Variants in DNMBP observed in about 807,000 individuals in gnomAD.
DNMBP encodes the protein dynamin binding protein, also known as dynamin-binding protein.
Under a neutral mutation model 150.0 loss-of-function variants are expected in DNMBP, and 87 were observed. That is an observed-to-expected ratio of 0.58 (90% CI 0.49 to 0.69). The LOEUF is 0.69. DNMBP is among the 30% of genes least tolerant of loss of function. The pLI is 0.00. For missense variants in DNMBP, 1,774 were observed against 1,949.0 expected, an observed-to-expected ratio of 0.91 and a Z score of 1.69; for synonymous variants, 711 against 750.4, an observed-to-expected ratio of 0.95 and a Z score of 0.86.
chr10:99,936,118 G>T (rs1202944755), intron 4 of DNMBP, among the ~76,000 whole-genome samples: 1 of 152,096 alleles, frequency 6.6e-6, no homozygotes. Context: ...ATCTACAAGT[G>T]AATAGCTTAT....
chr10:99,957,490 A>G, intron 3 of DNMBP: 1 of 410,850 alleles, frequency 2.4e-6, no homozygotes, highest in East Asian at 4.3e-5. Flanking sequence ...CTTTATCTAC[A>G]TATTTTACTC....
At chr10:99,913,946 G>A (rs1183289823) in intron 4 of DNMBP, 1 of 1,376,690 alleles carries the variant, frequency 7.3e-7, no homozygotes, top group East Asian at 2.9e-5. Flanking sequence ...CACACCCCAG[G>A]ACCTACCTGC....
chr10:99,883,638 C>CAAAAAAAAAAAAAAAAAAA (rs71009782), intron 15 of DNMBP, among the ~76,000 whole-genome samples: 5 of 65,618 alleles, frequency 7.6e-5, no homozygotes, highest in African/African-American at 2.5e-4. Context: ...AAGACTGCCA[C>CAAAAAAAAAAAAAAAAAAA]AAAAAAAAAA....
chr10:99,991,905 CAAAAA>C (rs71009797), intron 1 of DNMBP, among the ~76,000 whole-genome samples: 6 of 105,068 alleles, frequency 5.7e-5, no homozygotes, highest in Non-Finnish European at 7.9e-5. Flanking sequence ...GACTCCACCT[CAAAAA>C]AAAAAAAAAA....
At chr10:99,984,188 G>C (rs1029391827) in intron 1 of DNMBP, among the ~76,000 whole-genome samples, 1 of 152,140 alleles carries the variant, frequency 6.6e-6, no homozygotes, top group Non-Finnish European at 1.5e-5. Context: ...CTGGTGGAGG[G>C]AGGTCCCAAG....
chr10:99,896,508 A>G (rs1268157802), intron 9 of DNMBP, 111 bp from the exon 10 acceptor site: 5 of 998,482 alleles, frequency 5.0e-6, no homozygotes, highest in African/African-American at 4.8e-5. Flanking sequence ...CAATGAGCTT[A>G]TAACAAAATA....
intron 15 of DNMBP, among the ~76,000 whole-genome samples, chr10:99,880,686 C>A (rs958713934): frequency 6.6e-6 from 1 of 152,166 alleles, no homozygotes; most frequent in South Asian, 2.1e-4. Context: ...GCAATGAAAA[C>A]AATCCATGTC....
chr10:99,877,225 A>G lies in DNMBP; in HGVS notation c.4660T>C (p.Trp1554Arg), dbSNP rs2039289941. 3 of 1,613,642 alleles carry G rather than the reference A, an allele frequency of 1.9e-6. No individual in the cohort carries two copies. Among genetic ancestry groups the G allele is most frequent in the Non-Finnish European group, 8.5e-7 (1 of 1,179,886 alleles). The change falls in exon 17 of 17, where the codon TGG (tryptophan) becomes CGG (arginine). Residue 1554 changes from tryptophan (W) to arginine (R), a missense_variant. Trp to Arg is a moderately radical substitution (Grantham distance 101, BLOSUM62 -3). Around this residue, in one of 2 missense-constraint regions of DNMBP, gnomAD observed 1,430 missense variants for 1,492.5 expected, o/e 0.96. Transcript: ENST00000324109. ...TTCCCGTTAACCTCAGCTAACCACC[A>G]CTCTGTATTTCCTGTAACATCTTTA... ...EFKDVTGNTE[W>R]WLAEVNGKKG...
chr10:99,888,795 G>A lies in DNMBP; in HGVS notation c.3285+30C>T, dbSNP rs369328707. On this transcript the variant is annotated intron_variant, in intron 12 of 16. Coordinates refer to ENST00000324109, the MANE Select transcript of DNMBP (RefSeq NM_015221.4). ...TGTATTTGAGATGACCCTGGGAAGG[G>A]GGCCAACTTTTGAAGAAAAAGTTAC... 7 of 1,613,088 alleles carry A rather than the reference G, an allele frequency of 4.3e-6. No individual in the cohort carries two copies. In the African/African-American group the frequency reaches 8.0e-5, roughly 18 times the overall value.
At chr10:99,895,901 A>T (rs1455271655) in intron 10 of DNMBP, among the ~76,000 whole-genome samples, 1 of 152,232 alleles carries the variant, frequency 6.6e-6, no homozygotes, top group East Asian at 1.9e-4. Context: ...ATCGCCGATA[A>T]ACTGTTTTTC....
chr10:99,885,558 T>C (rs1313473044), intron 14 of DNMBP, 129 bp downstream of exon 14: 2 of 899,914 alleles, frequency 2.2e-6, no homozygotes, highest in East Asian at 5.4e-5. Flanking sequence ...TGGGTGAGAA[T>C]GCAACACTAT....
chr10:100,008,345 T>A (rs1249256454), intron 1 of DNMBP, among the ~76,000 whole-genome samples: 1 of 152,242 alleles, frequency 6.6e-6, no homozygotes, highest in Non-Finnish European at 1.5e-5. Flanking sequence ...TCACATTCTC[T>A]GAGTCAGACT....
chr10:99,877,361 G>A, intron 16 of DNMBP, 25 bp from the exon 17 acceptor site: 2 of 1,578,282 alleles, frequency 1.3e-6, no homozygotes, highest in Non-Finnish European at 1.7e-6. Context: ...GAGAGAAAAT[G>A]GGAAATTGCT....
chr10:99,888,430 T>C (rs531398935), intron 12 of DNMBP, among the ~76,000 whole-genome samples: 2 of 152,224 alleles, frequency 1.3e-5, no homozygotes, highest in South Asian at 2.1e-4. Flanking sequence ...AGGCTGGTCT[T>C]GAACTCCTGA....
At chr10:99,941,652 G>A in intron 4 of DNMBP, among the ~76,000 whole-genome samples, 1 of 152,028 alleles carries the variant, frequency 6.6e-6, no homozygotes. Flanking sequence ...ATTTTTAGTA[G>A]AGACGGGGTT....
intron 4 of DNMBP, among the ~76,000 whole-genome samples, chr10:99,921,784 G>A (rs1483689624): frequency 7.3e-6 from 1 of 136,906 alleles, no homozygotes; most frequent in Non-Finnish European, 1.5e-5. Flanking sequence ...AGAATCGCTT[G>A]AACCTGGGAG....
chr10:100,006,777 T>A (rs1249077633), intron 1 of DNMBP, among the ~76,000 whole-genome samples: 2 of 151,658 alleles, frequency 1.3e-5, no homozygotes, highest in Admixed American at 1.3e-4. Context: ...AACATGCTCA[T>A]CCCACTGCCT....
At chr10:99,913,858 G>C in intron 4 of DNMBP, 1 of 1,232,364 alleles carries the variant, frequency 8.1e-7, no homozygotes, top group Non-Finnish European at 1.0e-6. Flanking sequence ...GGAAAATTTT[G>C]AGCTCCCGGC....
chr10:99,884,870 T>A (rs1396121901), intron 14 of DNMBP, among the ~76,000 whole-genome samples: 2 of 152,042 alleles, frequency 1.3e-5, no homozygotes, highest in Admixed American at 6.5e-5. Flanking sequence ...GACCACTGCA[T>A]TCCAGCCTGG....
Sources: gnomAD v4.1 joint callset for allele counts (sites outside exome capture counted in the v4.1 genomes callset) on GRCh38, gnomAD v4.1.1 for gene constraint, gnomAD v4.1.1 regional missense constraint, MANE v1.5 for transcripts, NCBI Gene and HGNC (gene_info 2026-07-23, HGNC 2026-07-21) for gene names.